GRM8: variants seen among roughly 807,000 people sequenced by gnomAD.
GRM8 encodes metabotropic glutamate receptor 8.
A neutral mutation model predicts 87.2 loss-of-function variants in GRM8; 47 were observed. The observed-to-expected ratio is 0.54, with a 90% CI of 0.43 to 0.69. GRM8 has a LOEUF of 0.69. Ranked by LOEUF, GRM8 falls within the 30% of genes least tolerant of loss-of-function variation. The probability of loss-of-function intolerance (pLI) is 0.00; values close to 1 mark genes in which losing one functional copy is unlikely to be tolerated. For synonymous variants in GRM8, 396 were observed against 404.5 expected (o/e 0.98, Z 0.25); for missense variants, 1,019 against 1,139.2 (o/e 0.89, Z 1.52).
At chr7:126,778,042 G>C (rs1328215408) in intron 6 of GRM8, among the ~76,000 whole-genome samples, 1 of 152,134 alleles carries the variant, frequency 6.6e-6, no homozygotes, top group African/African-American at 2.4e-5. Flanking sequence ...TCACACCCAA[G>C]GTTCTGCTTT....
intron 9 of GRM8, among the ~76,000 whole-genome samples, chr7:126,504,188 T>C (rs576634605): frequency 7.9e-5 from 12 of 152,190 alleles, no homozygotes; most frequent in African/African-American, 2.9e-4. Flanking sequence ...CACTCTATTT[T>C]CACAGAATCA....
chr7:126,473,905 G>A (rs1805594839), intron 9 of GRM8, among the ~76,000 whole-genome samples: 2 of 152,036 alleles, frequency 1.3e-5, no homozygotes, highest in Admixed American at 6.6e-5. Flanking sequence ...ATGTGCCTTT[G>A]CTCCTCCTTC....
chr7:126,499,678 C>A (rs1809341115), intron 9 of GRM8, among the ~76,000 whole-genome samples: 1 of 151,780 alleles, frequency 6.6e-6, no homozygotes, highest in Non-Finnish European at 1.5e-5. Flanking sequence ...ATGAGCCAGG[C>A]ACAGAGAGAA....
At chr7:126,459,983 C>T (rs902032003) in intron 9 of GRM8, among the ~76,000 whole-genome samples, 17 of 151,486 alleles carry the variant, frequency 1.1e-4, no homozygotes, top group African/African-American at 4.1e-4. Context: ...CTGCCTAGAT[C>T]CTGACAGCCC....
intron 8 of GRM8, among the ~76,000 whole-genome samples, chr7:126,540,978 G>A (rs1816467922): frequency 6.6e-6 from 1 of 152,230 alleles, no homozygotes; most frequent in Non-Finnish European, 1.5e-5. Context: ...ATATTTTCAA[G>A]TGGTTTTAAG....
chr7:126,932,337 A>C (rs1448822080), intron 3 of GRM8, among the ~76,000 whole-genome samples: 1 of 152,210 alleles, frequency 6.6e-6, no homozygotes, highest in Non-Finnish European at 1.5e-5. Flanking sequence ...TCAATGATTA[A>C]ATTGTTTATC....
intron 6 of GRM8, among the ~76,000 whole-genome samples, chr7:126,880,750 C>T (rs1799950476): frequency 6.6e-6 from 1 of 152,234 alleles, no homozygotes; most frequent in Non-Finnish European, 1.5e-5. Context: ...AATCACTTTA[C>T]ACTGGCTTAT....
intron 3 of GRM8, among the ~76,000 whole-genome samples, chr7:127,106,032 T>C (rs1825774837): frequency 6.6e-6 from 1 of 152,236 alleles, no homozygotes; most frequent in Non-Finnish European, 1.5e-5. Flanking sequence ...ACAATAAGAA[T>C]ATTGCTTAAG....
chr7:126,946,207 A>ATTTCT (rs1807521246), intron 3 of GRM8, among the ~76,000 whole-genome samples: 1 of 152,222 alleles, frequency 6.6e-6, no homozygotes, highest in Non-Finnish European at 1.5e-5. Flanking sequence ...ACTCTTAGAA[A>ATTTCT]AAGTCTGGAC....
At chr7:126,591,527 A>G (rs1796666240) in intron 8 of GRM8, among the ~76,000 whole-genome samples, 1 of 152,088 alleles carries the variant, frequency 6.6e-6, no homozygotes, top group Non-Finnish European at 1.5e-5. Flanking sequence ...GAACAAATGG[A>G]CTTAACAGAT....
At chr7:126,519,820 T>G (rs1345386324) in intron 9 of GRM8, among the ~76,000 whole-genome samples, 1 of 152,114 alleles carries the variant, frequency 6.6e-6, no homozygotes, top group Non-Finnish European at 1.5e-5. Context: ...ATCTTAAAAT[T>G]AAACAGATTC....
intron 2 of GRM8, among the ~76,000 whole-genome samples, chr7:127,181,563 T>A (rs1794434994): frequency 1.3e-5 from 2 of 151,376 alleles, no homozygotes; most frequent in East Asian, 3.9e-4. Context: ...AAAGAATACA[T>A]CTGGAGGCAT....
intron 2 of GRM8, among the ~76,000 whole-genome samples, chr7:127,230,085 T>C (rs1797587485): frequency 1.3e-5 from 2 of 152,018 alleles, no homozygotes; most frequent in South Asian, 4.2e-4. Flanking sequence ...GGGGGAGGGA[T>C]TCTCCTAGGT....
At chr7:127,187,549 C>T (rs1279338001) in intron 2 of GRM8, among the ~76,000 whole-genome samples, 1 of 152,152 alleles carries the variant, frequency 6.6e-6, no homozygotes, top group Non-Finnish European at 1.5e-5. Context: ...CAGATAATCT[C>T]CGAAGCTACC....
intron 6 of GRM8, among the ~76,000 whole-genome samples, chr7:126,851,456 C>T (rs1276503191): frequency 6.6e-6 from 1 of 152,228 alleles, no homozygotes; most frequent in African/African-American, 2.4e-5. Flanking sequence ...AAGTTCCCAT[C>T]TCAAAGTAAG....
At chr7:127,178,527 A>T (rs1278958647) in intron 2 of GRM8, among the ~76,000 whole-genome samples, 1 of 152,216 alleles carries the variant, frequency 6.6e-6, no homozygotes, top group Non-Finnish European at 1.5e-5. Context: ...TCACAAAAAG[A>T]TCTTTGCCTA....
chr7:126,613,210 C>T (rs1179736952), intron 7 of GRM8, among the ~76,000 whole-genome samples: 3 of 152,152 alleles, frequency 2.0e-5, no homozygotes, highest in Non-Finnish European at 4.4e-5. Context: ...ATAATTCCTA[C>T]AAGTTTGCCA....
chr7:127,113,474 G>GT (rs3216296), intron 2 of GRM8, among the ~76,000 whole-genome samples: 2 of 150,798 alleles, frequency 1.3e-5, no homozygotes, highest in East Asian at 3.9e-4. Context: ...GTTTTTTTTT[G>GT]TTTTTTTCCC....
intron 7 of GRM8, among the ~76,000 whole-genome samples, chr7:126,634,237 CA>C (rs1482760511): frequency 7.2e-5 from 11 of 152,156 alleles, no homozygotes; most frequent in African/African-American, 2.4e-4. Context: ...GATGTATCTG[CA>C]AAAATAAAAA....
Sources: allele counts gnomAD v4.1 joint callset (sites outside exome capture counted in the v4.1 genomes callset), GRCh38; gene constraint gnomAD v4.1.1; transcripts MANE v1.5; gene names NCBI Gene and HGNC (gene_info 2026-07-23, HGNC 2026-07-21).